The following TRAPPC13 variants were observed in gnomAD, a reference collection of about 807,000 sequenced individuals.
TRAPPC13 encodes trafficking protein particle complex subunit 13, also known as REV7-interacting novel NHEJ regulator 1.
Under a neutral mutation model 54.0 loss-of-function variants are expected in TRAPPC13, and 39 were observed. That is an observed-to-expected ratio of 0.72 (90% CI 0.56 to 0.94). TRAPPC13 has a LOEUF of 0.94. TRAPPC13 is among the 40% of genes least tolerant of loss of function. The probability of loss-of-function intolerance (pLI) is 0.00; values close to 1 mark genes in which losing one functional copy is unlikely to be tolerated. For synonymous variants in TRAPPC13, 148 were observed against 167.7 expected (o/e 0.88, Z 0.91); for missense variants, 386 against 488.1 (o/e 0.79, Z 1.97).
At chr5:65,653,854 T>C (rs2150686688) in intron 7 of TRAPPC13, among the ~76,000 whole-genome samples, 1 of 152,308 alleles carries the variant, frequency 6.6e-6, no homozygotes, top group Non-Finnish European at 1.5e-5. Context: ...GTAATACGCA[T>C]TTATTCCCTC....
intron 1 of TRAPPC13, chr5:65,625,330 C>T (rs1231066531): frequency 1.8e-6 from 1 of 570,538 alleles, no homozygotes; most frequent in Non-Finnish European, 3.1e-6. Flanking sequence ...TCTTTCTGAT[C>T]TGTGCTGCTT....
intron 1 of TRAPPC13, among the ~76,000 whole-genome samples, chr5:65,627,154 AAAAG>A (rs1351688275): frequency 1.3e-5 from 2 of 150,264 alleles, no homozygotes; most frequent in Non-Finnish European, 3.0e-5. Context: ...AAAAAAAAAA[AAAAG>A]AACAATAAGC....
chr5:65,653,134 C>CAAAAAA (rs56915791), intron 7 of TRAPPC13, among the ~76,000 whole-genome samples: 16 of 114,244 alleles, frequency 1.4e-4, no homozygotes, highest in South Asian at 3.3e-4. Flanking sequence ...AGAACTTGCC[C>CAAAAAA]AAAAAAAAAA....
intron 6 of TRAPPC13, among the ~76,000 whole-genome samples, chr5:65,651,454 T>G (rs1756429743): frequency 6.6e-6 from 1 of 152,054 alleles, no homozygotes; most frequent in Non-Finnish European, 1.5e-5. Context: ...GAGTGTAAAG[T>G]CCAGATAAAA....
intron 5 of TRAPPC13, among the ~76,000 whole-genome samples, chr5:65,647,614 G>GA (rs1397771119): frequency 6.6e-6 from 1 of 151,546 alleles, no homozygotes; most frequent in African/African-American, 2.4e-5. Flanking sequence ...GGCACACTGT[G>GA]AAAAAAAATC....
chr5:65,630,738 T>G (rs372521775), intron 1 of TRAPPC13: 2 of 919,572 alleles, frequency 2.2e-6, no homozygotes, highest in Non-Finnish European at 2.6e-6. Context: ...ATGAATGTAG[T>G]TCAAAGTGGG....
At position 65,664,834 on chromosome 5, in the gene TRAPPC13, T is replaced by G; in HGVS notation, c.*223T>G. The G allele has an allele frequency of 1.9e-6, 1 of 518,358 alleles. No individual in the cohort carries two copies. The highest frequency in any genetic ancestry group is 3.4e-6 in the Non-Finnish European group (1 of 295,764). 32.1% of individuals were successfully genotyped at this position (518,358 alleles called of 1,614,324 possible). On this transcript the variant is annotated 3_prime_UTR_variant, in exon 13 of 13. Coordinates refer to ENST00000399438, the MANE Select transcript of TRAPPC13 (RefSeq NM_024941.4). ...ATATTTTCTACACCTATTATTTAAT[T>G]TCATTTCATTTTAGATGACCATTGG...
chr5:65,657,053 G>C (rs1368825233), intron 8 of TRAPPC13, among the ~76,000 whole-genome samples: 2 of 151,436 alleles, frequency 1.3e-5, no homozygotes, highest in East Asian at 3.9e-4. Flanking sequence ...TTCTACTCTG[G>C]GCAACAGAGC....
intron 1 of TRAPPC13, among the ~76,000 whole-genome samples, chr5:65,631,542 A>G (rs1445323502): frequency 6.6e-6 from 1 of 152,088 alleles, no homozygotes; most frequent in Non-Finnish European, 1.5e-5. Flanking sequence ...CTACCCTCAA[A>G]TAGGCCTCAG....
chr5:65,639,233 A>G (rs1305524616), intron 4 of TRAPPC13, among the ~76,000 whole-genome samples: 1 of 152,168 alleles, frequency 6.6e-6, no homozygotes, highest in Admixed American at 6.5e-5. Context: ...CTACAAGATG[A>G]GATTTGGGTG....
chr5:65,628,532 G>A (rs546527826), intron 1 of TRAPPC13, among the ~76,000 whole-genome samples: 3 of 150,750 alleles, frequency 2.0e-5, no homozygotes, highest in South Asian at 2.1e-4. Flanking sequence ...GTACGATGGC[G>A]CGATCTCAGT....
At chr5:65,640,379 A>G (rs1755919278) in intron 4 of TRAPPC13, among the ~76,000 whole-genome samples, 1 of 152,220 alleles carries the variant, frequency 6.6e-6, no homozygotes, top group Non-Finnish European at 1.5e-5. Context: ...TCTACAAACA[A>G]ACAAAAAAGA....
At chr5:65,658,249 G>A in intron 8 of TRAPPC13, 119 bp from the exon 9 acceptor site, 7 of 973,690 alleles carry the variant, frequency 7.2e-6, no homozygotes, top group Non-Finnish European at 7.3e-6. Context: ...TTGATTTGCA[G>A]GCATGAACTA....
At chr5:65,630,553 G>T (rs752510899) in intron 1 of TRAPPC13, 1 of 1,222,432 alleles carries the variant, frequency 8.2e-7, no homozygotes, top group African/African-American at 1.5e-5. Context: ...AGGTAAAAAT[G>T]TTCTGTTCCT....
Position 65,658,386 on chromosome 5 carries a change from G to A in TRAPPC13, c.583G>A (p.Glu195Lys). ...LSSVTDEVFLEAQIQNMTTSP... is the reference protein window; with the variant it reads ...LSSVTDEVFLKAQIQNMTTSP... ...TCCTCAGACTGATGAAGTATTTCTG[G>A]AAGCCCAGATTCAGAATATGACAAC... Residue 195 changes from glutamate to lysine, a missense_variant, in exon 9 of 13, where the codon GAA becomes AAA. Transcript: ENST00000399438. 2 of 1,599,604 alleles carry A rather than the reference G, an allele frequency of 1.3e-6. No homozygotes were observed. Among genetic ancestry groups the A allele is most frequent in the South Asian group, 1.1e-5 (1 of 88,618 alleles).
intron 1 of TRAPPC13, chr5:65,629,643 T>C: frequency 6.5e-7 from 1 of 1,536,010 alleles, no homozygotes; most frequent in Non-Finnish European, 8.7e-7. Context: ...CCCACACAAC[T>C]GCCAAAAATT....
intron 8 of TRAPPC13, among the ~76,000 whole-genome samples, chr5:65,656,236 A>T: frequency 6.6e-6 from 1 of 152,350 alleles, no homozygotes; most frequent in Non-Finnish European, 1.5e-5. Context: ...CTTAATTTTT[A>T]AAATATCAAA....
chr5:65,656,860 C>G (rs747486925), intron 8 of TRAPPC13, among the ~76,000 whole-genome samples: 1 of 151,994 alleles, frequency 6.6e-6, no homozygotes, highest in South Asian at 2.1e-4. Flanking sequence ...GAGCTGAGAT[C>G]GCACCACTGC....
At chr5:65,659,379 G>A (rs1180874724) in intron 9 of TRAPPC13, among the ~76,000 whole-genome samples, 1 of 152,042 alleles carries the variant, frequency 6.6e-6, no homozygotes, top group Non-Finnish European at 1.5e-5. Flanking sequence ...AAAGATCCTA[G>A]CCCTTTTAAT....
Sources: allele counts gnomAD v4.1 joint callset (sites outside exome capture counted in the v4.1 genomes callset), GRCh38; gene constraint gnomAD v4.1.1; transcripts MANE v1.5; gene names NCBI Gene and HGNC (gene_info 2026-07-23, HGNC 2026-07-21).